Variants in UGT3A1 observed in about 807,000 individuals in gnomAD.
UGT3A1 encodes the protein UDP-glycosyltransferase 3A1.
Under a neutral mutation model 37.6 loss-of-function variants are expected in UGT3A1, and 40 were observed. The ratio of observed to expected loss-of-function variants is 1.06; its 90% CI spans 0.83 to 1.38. The LOEUF is 1.38. UGT3A1 is among the 40% of genes most tolerant of loss of function. The pLI is 0.00. For missense variants in UGT3A1, 642 were observed against 634.2 expected (o/e 1.01, Z -0.13); for synonymous variants, 256 against 232.3 (o/e 1.10, Z -0.93).
At chr5:35,978,606 C>T (rs116135596) in intron 2 of UGT3A1, among the ~76,000 whole-genome samples, 8 of 152,226 alleles carry the variant, frequency 5.3e-5, no homozygotes, top group African/African-American at 1.9e-4. Flanking sequence ...GATTCAATCA[C>T]CTCCCACCAG....
chr5:35,966,005 G>T, intron 3 of UGT3A1, 88 bp from the exon 4 acceptor site: 1 of 1,061,496 alleles, frequency 9.4e-7, no homozygotes, highest in Non-Finnish European at 1.3e-6. Flanking sequence ...AAATATTTCA[G>T]GTATGTTAAG....
intron 2 of UGT3A1, among the ~76,000 whole-genome samples, chr5:35,969,543 T>A (rs1739952522): frequency 6.7e-6 from 1 of 150,350 alleles, no homozygotes; most frequent in South Asian, 2.2e-4. Flanking sequence ...ATTAGGTTAG[T>A]CAAAAGGGGT....
chr5:35,956,538 G>A (rs187758388), intron 5 of UGT3A1, among the ~76,000 whole-genome samples: 1 of 152,282 alleles, frequency 6.6e-6, no homozygotes, highest in African/African-American at 2.4e-5. Flanking sequence ...CAGTCACTGA[G>A]GATGTCAGTG....
intron 1 of UGT3A1, among the ~76,000 whole-genome samples, chr5:36,000,530 T>C (rs1273244011): frequency 6.6e-6 from 1 of 152,096 alleles, no homozygotes; most frequent in East Asian, 1.9e-4. Flanking sequence ...TGGATTCACA[T>C]CTCTCATCTT....
chr5:35,970,739 A>G (rs925062668), intron 2 of UGT3A1, among the ~76,000 whole-genome samples: 1 of 152,220 alleles, frequency 6.6e-6, no homozygotes, highest in Non-Finnish European at 1.5e-5. Context: ...CCCAAAATAG[A>G]TTAAAGCAGG....
At chr5:35,968,323 C>G (rs898775948) in intron 2 of UGT3A1, among the ~76,000 whole-genome samples, 190 bp from the exon 3 acceptor site, 5 of 152,166 alleles carry the variant, frequency 3.3e-5, no homozygotes, top group East Asian at 1.9e-4. Context: ...GAGACTTTAT[C>G]ATTATCCAGG....
chr5:35,999,782 T>C (rs1561478136), intron 1 of UGT3A1, among the ~76,000 whole-genome samples: 1 of 152,140 alleles, frequency 6.6e-6, no homozygotes, highest in Non-Finnish European at 1.5e-5. Flanking sequence ...AGCTGGACCT[T>C]TTAAGGTATT....
chr5:35,969,106 T>A (rs1739934364), intron 2 of UGT3A1, among the ~76,000 whole-genome samples: 1 of 152,068 alleles, frequency 6.6e-6, no homozygotes, highest in Admixed American at 6.6e-5. Flanking sequence ...ACACACACCA[T>A]TGTAAAGAGC....
chr5:35,991,574 A>AG, upstream of UGT3A1: 1 of 1,072,540 alleles, frequency 9.3e-7, no homozygotes, highest in Non-Finnish European at 1.1e-6. Context: ...CAGGAATGAC[A>AG]GGGGCCTCAG....
intron 6 of UGT3A1, 128 bp downstream of exon 6, chr5:35,955,517 G>GTAT (rs1243221795): frequency 4.7e-6 from 5 of 1,069,622 alleles, no homozygotes; most frequent in Non-Finnish European, 5.5e-6. Flanking sequence ...TGGGCTGTTA[G>GTAT]CATCACACAC....
intron 6 of UGT3A1, 142 bp from the exon 7 acceptor site, chr5:35,954,620 G>T: frequency 9.7e-7 from 1 of 1,030,630 alleles, no homozygotes; most frequent in Non-Finnish European, 1.4e-6. Flanking sequence ...AAATTTGTTG[G>T]CATGGCCTTG....
chr5:35,981,640 C>T (rs897295019), intron 2 of UGT3A1, among the ~76,000 whole-genome samples: 3 of 152,172 alleles, frequency 2.0e-5, no homozygotes, highest in African/African-American at 7.2e-5. Flanking sequence ...GAAAAGAGAA[C>T]TTATATTTCA....
chr5:35,997,264 T>C (rs1440301053), exon 2 of UGT3A1: 2 of 152,162 alleles, frequency 1.3e-5, no homozygotes, highest in African/African-American at 2.4e-5. Context: ...CAGTTGTGGG[T>C]CTCTGCAGTG....
At chr5:35,996,014 C>A (rs1031707941), upstream of UGT3A1, among the ~76,000 whole-genome samples, 1 of 144,284 alleles carries the variant, frequency 6.9e-6, no homozygotes, top group Admixed American at 6.9e-5. Flanking sequence ...AAATATCCTG[C>A]GCTATGACAA....
At chr5:35,969,587 A>G (rs1227786033) in intron 2 of UGT3A1, among the ~76,000 whole-genome samples, 1 of 152,218 alleles carries the variant, frequency 6.6e-6, no homozygotes, top group Admixed American at 6.5e-5. Context: ...AAGAACAAAA[A>G]CTAAAACAAA....
chr5:35,955,035 A>T (rs1412921868), intron 6 of UGT3A1: 1 of 159,584 alleles, frequency 6.3e-6, no homozygotes, highest in East Asian at 1.8e-4. Context: ...GTACTTATGA[A>T]GCTGACTCTC....
chr5:35,972,523 G>A (rs1291633466), intron 2 of UGT3A1, among the ~76,000 whole-genome samples: 1 of 151,556 alleles, frequency 6.6e-6, no homozygotes, highest in Admixed American at 6.6e-5. Flanking sequence ...GTGTGTGTGT[G>A]TGTGTGTGTG....
At chr5:35,990,196 G>A (rs910872895) in intron 1 of UGT3A1, among the ~76,000 whole-genome samples, 8 of 152,088 alleles carry the variant, frequency 5.3e-5, no homozygotes, top group Admixed American at 2.0e-4. Flanking sequence ...AATTCTTCAT[G>A]GGACATTAAG....
At chr5:35,984,477 T>G (rs867241763) in intron 2 of UGT3A1, among the ~76,000 whole-genome samples, 36,200 of 147,134 alleles carry the variant, frequency 0.25, 4,480 homozygotes, top group Non-Finnish European at 0.35. Context: ...ACAGAATTTT[T>G]TTTTTTTTTT....
Sources: allele counts gnomAD v4.1 joint callset (sites outside exome capture counted in the v4.1 genomes callset), GRCh38; gene constraint gnomAD v4.1.1; transcripts MANE v1.5; gene names NCBI Gene and HGNC (gene_info 2026-07-23, HGNC 2026-07-21).